The following DLGAP2 variants were observed in gnomAD, a reference collection of about 807,000 sequenced individuals.
The protein encoded by DLGAP2 is DLG associated protein 2.
In DLGAP2, 26 loss-of-function variants were observed where a neutral mutation model predicts 100.3. The ratio of observed to expected loss-of-function variants is 0.26; its 90% CI spans 0.19 to 0.36. DLGAP2 has a LOEUF of 0.36. Ranked by LOEUF, DLGAP2 falls within the 10% of genes least tolerant of loss-of-function variation. The pLI is 1.00. For missense variants in DLGAP2, 1,858 were observed against 1,453.2 expected (o/e 1.28, Z -4.53); for synonymous variants, 886 against 630.1 (o/e 1.41, Z -6.08).
chr8:1,171,652 A>T (rs966163821), intron 2 of DLGAP2, among the ~76,000 whole-genome samples: 12 of 152,028 alleles, frequency 7.9e-5, no homozygotes, highest in African/African-American at 2.9e-4. Context: ...CTTCTTTGTC[A>T]ACTTTGATCT....
intron 3 of DLGAP2, among the ~76,000 whole-genome samples, chr8:1,458,062 G>C (rs1401686236): frequency 1.5e-5 from 2 of 137,804 alleles, no homozygotes; most frequent in African/African-American, 2.7e-5. Context: ...ATATGTATAT[G>C]TATATAATTT....
At chr8:1,036,279 A>G (rs1802120905) in intron 2 of DLGAP2, among the ~76,000 whole-genome samples, 1 of 152,272 alleles carries the variant, frequency 6.6e-6, no homozygotes, top group South Asian at 2.1e-4. Flanking sequence ...CACGTGTTTA[A>G]TGAACACTGT....
In DLGAP2 at chr8:1,007,109, G is replaced by A. The variant is rs556954099; in HGVS notation, c.73+99143G>A. 1.6e-3 allele frequency among the ~76,000 whole-genome samples: 238 copies of A among 150,300 alleles called. 1 individual carries two copies. The highest frequency in any genetic ancestry group is 2.8e-3 in the Non-Finnish European group (192 of 67,658). On this transcript the variant is annotated intron_variant, in intron 2 of 14. Coordinates refer to ENST00000637795, the MANE Select transcript of DLGAP2 (RefSeq NM_001346810.2). Reference sequence around the variant, plus strand: ...GGTCCTTTATCATGTCGGGGACGCCGTGTGTCTGAAGTCTCAGGATATGGT... The same window carrying A: ...GGTCCTTTATCATGTCGGGGACGCCATGTGTCTGAAGTCTCAGGATATGGT...
chr8:1,091,097 C>A (rs1480837192), intron 2 of DLGAP2, among the ~76,000 whole-genome samples: 1 of 152,160 alleles, frequency 6.6e-6, no homozygotes, highest in Non-Finnish European at 1.5e-5. Flanking sequence ...GGGCAGCCTG[C>A]AGCGCCCAGA....
At chr8:815,432 T>A (rs1277977140) in intron 1 of DLGAP2, among the ~76,000 whole-genome samples, 10 of 152,188 alleles carry the variant, frequency 6.6e-5, no homozygotes, top group Admixed American at 6.5e-5. Context: ...ACCATCACAG[T>A]GGTCAGTCAG....
chr8:1,491,535 T>C (rs1799389181), intron 3 of DLGAP2, among the ~76,000 whole-genome samples: 1 of 152,376 alleles, frequency 6.6e-6, no homozygotes, highest in African/African-American at 2.4e-5. Context: ...AAGTAGTGTT[T>C]CCTGGGTAAG....
chr8:1,510,577 T>G (rs1253824342), intron 4 of DLGAP2, among the ~76,000 whole-genome samples: 1 of 152,250 alleles, frequency 6.6e-6, no homozygotes, highest in Non-Finnish European at 1.5e-5. Flanking sequence ...GCTCCCTGCG[T>G]TCTGGTGCCT....
At chr8:847,102 T>C (rs1463648830) in intron 1 of DLGAP2, among the ~76,000 whole-genome samples, 1 of 152,216 alleles carries the variant, frequency 6.6e-6, no homozygotes, top group Non-Finnish European at 1.5e-5. Flanking sequence ...TAAAAACACA[T>C]GGGCCTGGGT....
At chr8:910,080 G>T (rs765875667) in intron 2 of DLGAP2, among the ~76,000 whole-genome samples, 1 of 152,206 alleles carries the variant, frequency 6.6e-6, no homozygotes, top group African/African-American at 2.4e-5. Context: ...GACGAAACGA[G>T]TTCTGCAGAT....
intron 3 of DLGAP2, among the ~76,000 whole-genome samples, chr8:1,362,523 G>A (rs551139495): frequency 3.3e-5 from 5 of 152,172 alleles, no homozygotes; most frequent in South Asian, 4.2e-4. Context: ...TGTGGTCCCC[G>A]TGAGCCTTGG....
intron 3 of DLGAP2, among the ~76,000 whole-genome samples, chr8:1,298,933 G>C (rs1242457356): frequency 6.6e-6 from 1 of 152,048 alleles, no homozygotes; most frequent in African/African-American, 2.4e-5. Flanking sequence ...CTCTTCCCAG[G>C]GCCAGGGTCG....
At chr8:1,191,346 A>AT (rs1319516981) in intron 2 of DLGAP2, among the ~76,000 whole-genome samples, 4 of 151,630 alleles carry the variant, frequency 2.6e-5, no homozygotes, top group Middle Eastern at 3.2e-3. Flanking sequence ...AATTTTTTGT[A>AT]TTTTTGGTAG....
intron 3 of DLGAP2, among the ~76,000 whole-genome samples, chr8:1,442,460 C>A (rs1367885962): frequency 6.7e-5 from 10 of 148,676 alleles, no homozygotes; most frequent in South Asian, 2.2e-4. Context: ...CGGGCATAGA[C>A]CCGCCAGGCT....
intron 8 of DLGAP2, among the ~76,000 whole-genome samples, chr8:1,665,948 AAC>A (rs1435609104): frequency 6.6e-6 from 1 of 152,204 alleles, no homozygotes; most frequent in Non-Finnish European, 1.5e-5. Flanking sequence ...TGTCGCACTC[AAC>A]ACCCTTGATA....
intron 2 of DLGAP2, among the ~76,000 whole-genome samples, chr8:1,115,985 A>T (rs957193549): frequency 6.6e-6 from 1 of 152,186 alleles, no homozygotes; most frequent in East Asian, 1.9e-4. Flanking sequence ...TGCCCAGGAA[A>T]CGATCCCAGC....
intron 1 of DLGAP2, among the ~76,000 whole-genome samples, chr8:854,330 T>C (rs991852818): frequency 6.6e-6 from 1 of 152,106 alleles, no homozygotes; most frequent in African/African-American, 2.4e-5. Context: ...TGGGTATCCT[T>C]ATCCTTTTAT....
chr8:1,634,414 T>A (rs117845560), intron 8 of DLGAP2, among the ~76,000 whole-genome samples: 71 of 152,210 alleles, frequency 4.7e-4, no homozygotes, highest in Non-Finnish European at 7.1e-4. Context: ...CCAAGGGAAA[T>A]CCACAGGCTG....
chr8:1,010,496 A>C (rs920012686), intron 2 of DLGAP2, among the ~76,000 whole-genome samples: 1 of 152,226 alleles, frequency 6.6e-6, no homozygotes, highest in Non-Finnish European at 1.5e-5. Flanking sequence ...ACTACACATT[A>C]CCCACATATG....
At chr8:811,011 C>T (rs565422849) in intron 1 of DLGAP2, among the ~76,000 whole-genome samples, 2 of 152,050 alleles carry the variant, frequency 1.3e-5, no homozygotes, top group Non-Finnish European at 2.9e-5. Flanking sequence ...GGATGGCCAC[C>T]GTGTAGAAGG....
Sources: allele counts gnomAD v4.1 joint callset (sites outside exome capture counted in the v4.1 genomes callset), GRCh38; gene constraint gnomAD v4.1.1; transcripts MANE v1.5; gene names NCBI Gene and HGNC (gene_info 2026-07-23, HGNC 2026-07-21).